The following KDM4C variants were observed in gnomAD, a reference collection of about 807,000 sequenced individuals.
The protein encoded by KDM4C is lysine-specific demethylase 4C.
KDM4C carries 81 observed loss-of-function variants against 129.3 expected under a neutral mutation model. The ratio of observed to expected loss-of-function variants is 0.63; its 90% CI spans 0.52 to 0.75. KDM4C has a LOEUF of 0.75. Ranked by LOEUF, KDM4C falls within the 30% of genes least tolerant of loss-of-function variation. KDM4C has a pLI of 0.00. For missense variants in KDM4C, 1,457 were observed against 1,304.0 expected (o/e 1.12, Z -1.81); for synonymous variants, 573 against 456.1 (o/e 1.26, Z -3.26).
intron 5 of KDM4C, among the ~76,000 whole-genome samples, chr9:6,855,365 A>C (rs973738893): frequency 2.1e-5 from 3 of 144,844 alleles, no homozygotes; most frequent in African/African-American, 7.6e-5. Flanking sequence ...AGGCTGAGGC[A>C]GGAGAATCAC....
At chr9:6,796,405 C>T (rs1207778971) in intron 2 of KDM4C, among the ~76,000 whole-genome samples, 3 of 152,194 alleles carry the variant, frequency 2.0e-5, no homozygotes, top group Non-Finnish European at 4.4e-5. Context: ...ATAACCATCT[C>T]TTCTCTTCTC....
chr9:7,149,239 T>C (rs1033448430), intron 19 of KDM4C, among the ~76,000 whole-genome samples: 1 of 152,366 alleles, frequency 6.6e-6, no homozygotes, highest in East Asian at 1.9e-4. Context: ...ATCCTGAGCA[T>C]GCACACGCCC....
chr9:7,146,936 C>G (rs992245129), intron 19 of KDM4C, among the ~76,000 whole-genome samples: 3 of 152,226 alleles, frequency 2.0e-5, no homozygotes, highest in Middle Eastern at 3.4e-3. Flanking sequence ...ATTTTTAATC[C>G]CAAAGGTGGC....
At chr9:7,021,140 G>GTA (rs56054555) in intron 15 of KDM4C, among the ~76,000 whole-genome samples, 17,198 of 146,752 alleles carry the variant, frequency 0.12, 1,125 homozygotes, top group East Asian at 0.27. Flanking sequence ...GTGTGTGTGT[G>GTA]TATATATATA....
chr9:7,126,644 T>G (rs1840052370), intron 18 of KDM4C, among the ~76,000 whole-genome samples: 1 of 152,202 alleles, frequency 6.6e-6, no homozygotes, highest in South Asian at 2.1e-4. Flanking sequence ...GTGCACATGT[T>G]AAATGCATGT....
chr9:6,763,799 C>T (rs1820066719), intron 1 of KDM4C, among the ~76,000 whole-genome samples: 1 of 152,122 alleles, frequency 6.6e-6, no homozygotes, highest in South Asian at 2.1e-4. Flanking sequence ...CTCTTGTTGC[C>T]CAGGCTGGAG....
intron 17 of KDM4C, among the ~76,000 whole-genome samples, chr9:7,071,359 A>G (rs992870518): frequency 2.0e-5 from 3 of 152,200 alleles, no homozygotes; most frequent in Non-Finnish European, 1.5e-5. Flanking sequence ...AAGAACAACA[A>G]AATTGGATGA....
chr9:6,778,548 C>A (rs28682985), intron 1 of KDM4C, among the ~76,000 whole-genome samples: 15,977 of 150,984 alleles, frequency 0.11, 1,030 homozygotes, highest in African/African-American at 0.17. Context: ...GGGAGGATCA[C>A]CTAAGGTCAG....
chr9:7,090,653 C>A (rs111363159), intron 17 of KDM4C, among the ~76,000 whole-genome samples: 2,468 of 152,260 alleles, frequency 0.016, 75 homozygotes, highest in African/African-American at 0.055. Flanking sequence ...ATGACCTCCC[C>A]ATAGAAGGTT....
At chr9:6,753,960 C>T (rs1278550067), upstream of KDM4C, among the ~76,000 whole-genome samples, 3 of 148,478 alleles carry the variant, frequency 2.0e-5, no homozygotes, top group East Asian at 2.0e-4. Context: ...CTGCAAGCTC[C>T]GCCTCCCGGG....
In KDM4C at chr9:6,773,761, ACTCTGT is replaced by A. The variant is rs565511181; in HGVS notation, c.-18+15562_-18+15567del. ...ACCCTAGCCTGGGCGACAGAGTGAG[ACTCTGT>A]CTCAAAAAAAAAAAAAAAAGTATAG... On this transcript the variant is annotated intron_variant, in intron 1 of 21. Coordinates refer to ENST00000381309, the MANE Select transcript of KDM4C (RefSeq NM_015061.6). Among the ~76,000 whole-genome samples the A allele has an allele frequency of 3.6e-3, 523 of 145,228 alleles. 3 individuals carry two copies. Among genetic ancestry groups the A allele is most frequent in the African/African-American group, 0.013 (504 of 38,890 alleles).
At chr9:6,897,016 A>G (rs971351277) in intron 8 of KDM4C, among the ~76,000 whole-genome samples, 2 of 152,212 alleles carry the variant, frequency 1.3e-5, no homozygotes, top group African/African-American at 4.8e-5. Flanking sequence ...AAATTTCATT[A>G]TTTGTGTAAA....
At chr9:7,082,774 C>T (rs1834683751) in intron 17 of KDM4C, among the ~76,000 whole-genome samples, 1 of 152,110 alleles carries the variant, frequency 6.6e-6, no homozygotes, top group Non-Finnish European at 1.5e-5. Context: ...ACAATTTTGT[C>T]AAGCATTTGC....
chr9:6,890,045 GT>G (rs2130869240), intron 7 of KDM4C, among the ~76,000 whole-genome samples: 1 of 152,322 alleles, frequency 6.6e-6, no homozygotes, highest in African/African-American at 2.4e-5. Flanking sequence ...GACTTTGAGG[GT>G]TGATTGGCAG....
intron 6 of KDM4C, 53 bp downstream of exon 6, chr9:6,880,114 T>C (rs1844207204): frequency 8.3e-7 from 1 of 1,198,632 alleles, no homozygotes; most frequent in Non-Finnish European, 1.2e-6. Context: ...TTCTGTGTTT[T>C]GTAGGTTCTT....
chr9:6,887,278 G>A (rs1845452881), intron 6 of KDM4C, among the ~76,000 whole-genome samples: 1 of 152,214 alleles, frequency 6.6e-6, no homozygotes, highest in South Asian at 2.1e-4. Context: ...TGAAGTCAGC[G>A]ATGGAGAAAA....
chr9:7,019,700 T>C (rs187175976), intron 15 of KDM4C, among the ~76,000 whole-genome samples: 19 of 129,906 alleles, frequency 1.5e-4, no homozygotes, highest in African/African-American at 5.8e-4. Context: ...AAAAATATAA[T>C]ATTTTTATAT....
intron 1 of KDM4C, among the ~76,000 whole-genome samples, chr9:6,785,243 A>T (rs11794756): frequency 6.6e-6 from 1 of 152,164 alleles, no homozygotes; most frequent in Non-Finnish European, 1.5e-5. Flanking sequence ...GTTTGCCAGG[A>T]GTCCTTGGCA....
At chr9:6,912,396 T>C (rs1393307841) in intron 8 of KDM4C, among the ~76,000 whole-genome samples, 1 of 152,212 alleles carries the variant, frequency 6.6e-6, no homozygotes, top group Non-Finnish European at 1.5e-5. Flanking sequence ...CACACCATGC[T>C]GGCATTCCTT....
Sources: allele counts gnomAD v4.1 joint callset (sites outside exome capture counted in the v4.1 genomes callset), GRCh38; gene constraint gnomAD v4.1.1; transcripts MANE v1.5; gene names NCBI Gene and HGNC (gene_info 2026-07-23, HGNC 2026-07-21).